MYRIP: variants seen among roughly 807,000 people sequenced by gnomAD.
MYRIP encodes the protein myosin VIIA and Rab interacting protein, also known as rab effector MyRIP.
In MYRIP, 49 loss-of-function variants were observed where a neutral mutation model predicts 98.0. That is an observed-to-expected ratio of 0.50 (90% confidence interval 0.40 to 0.63). The LOEUF (loss-of-function observed/expected upper bound fraction) is 0.63. Ranked by LOEUF, MYRIP falls within the 30% of genes least tolerant of loss-of-function variation. The pLI, the probability that MYRIP is intolerant of heterozygous loss-of-function variation, is 0.00. For missense variants in MYRIP, 1,004 were observed against 1,058.2 expected, an observed-to-expected ratio of 0.95 and a Z score of 0.71; for synonymous variants, 404 against 409.5, an observed-to-expected ratio of 0.99 and a Z score of 0.16.
At chr3:40,135,636 A>G (rs1559415456) in intron 3 of MYRIP, among the ~76,000 whole-genome samples, 1 of 152,232 alleles carries the variant, frequency 6.6e-6, no homozygotes, top group African/African-American at 2.4e-5. Flanking sequence ...CCAGAGAGAA[A>G]GGTCGGGTTA....
At position 40,251,873 on chromosome 3, in the gene MYRIP, C is replaced by A. The variant is rs1355180707; in HGVS notation, c.2429-8C>A. 1 of 1,577,378 alleles carries A rather than the reference C, an allele frequency of 6.3e-7. No individual in the cohort carries two copies. Among genetic ancestry groups the A allele is most frequent in the Non-Finnish European group, 8.7e-7 (1 of 1,146,778 alleles). ...GGGTAACATTTTTTCCCATTTATTT[C>A]CTTTTAGCTGAAAAAATTGAGACAT... On this transcript the variant is annotated splice_region_variant and splice_polypyrimidine_tract_variant and intron_variant, in intron 15 of 16. Transcript: ENST00000302541.
chr3:40,167,331 T>A, intron 7 of MYRIP, 92 bp downstream of exon 7: 1 of 1,135,332 alleles, frequency 8.8e-7, no homozygotes, highest in Non-Finnish European at 1.3e-6. Flanking sequence ...ATGGGGAGTG[T>A]CTCTAGCACT....
At chr3:40,036,705 A>G (rs890327674) in intron 2 of MYRIP, among the ~76,000 whole-genome samples, 2 of 152,102 alleles carry the variant, frequency 1.3e-5, no homozygotes, top group African/African-American at 4.8e-5. Context: ...TGATACTTAG[A>G]TGAAGGAAAT....
At chr3:40,185,255 T>C (rs576076867) in intron 9 of MYRIP, among the ~76,000 whole-genome samples, 3 of 152,334 alleles carry the variant, frequency 2.0e-5, no homozygotes, top group Admixed American at 2.0e-4. Context: ...GTAACTCCGC[T>C]TTCAGTCTTG....
chr3:39,889,985 A>G (rs1212858743), intron 1 of MYRIP, among the ~76,000 whole-genome samples: 1 of 152,154 alleles, frequency 6.6e-6, no homozygotes, highest in Admixed American at 6.6e-5. Flanking sequence ...TAAAAAATCT[A>G]AAATTTTTTT....
At position 40,036,676 on chromosome 3, in the gene MYRIP, C is replaced by G. The variant is rs931920934; in HGVS notation, c.111-7374C>G. Among the ~76,000 whole-genome samples, 9 of 152,038 alleles carry G rather than the reference C, an allele frequency of 5.9e-5. No homozygotes were observed. The East Asian group carries it at 7.7e-4, about 13-fold the overall frequency. The stretch of plus-strand genomic sequence containing the variant: ...AACACCCCATTTGCAACCAGATGCA[C>G]GAGATGCTGGAGAAGCATTGATACT... On this transcript the variant is annotated intron_variant, in intron 2 of 16. Transcript: ENST00000302541.
At chr3:39,995,288 A>C (rs531032117) in intron 2 of MYRIP, among the ~76,000 whole-genome samples, 31 of 152,216 alleles carry the variant, frequency 2.0e-4, no homozygotes, top group African/African-American at 6.7e-4. Context: ...AAAAACCTTG[A>C]AAAAAAATTA....
At chr3:40,223,206 A>C (rs1360725930) in intron 11 of MYRIP, among the ~76,000 whole-genome samples, 1 of 152,202 alleles carries the variant, frequency 6.6e-6, no homozygotes, top group Non-Finnish European at 1.5e-5. Flanking sequence ...TCTGAACCAG[A>C]CATCTTTTAA....
chr3:39,867,157 C>A (rs1453077224), intron 1 of MYRIP, among the ~76,000 whole-genome samples: 4 of 152,144 alleles, frequency 2.6e-5, no homozygotes, highest in Non-Finnish European at 5.9e-5. Flanking sequence ...TCCTCTCTTA[C>A]ACTACTTGGA....
intron 2 of MYRIP, among the ~76,000 whole-genome samples, chr3:40,042,409 C>T (rs1947558902): frequency 6.6e-6 from 1 of 151,540 alleles, no homozygotes. Context: ...GTCCAATGTC[C>T]ATGAAAGAAA....
chr3:39,955,330 C>T (rs903131258), intron 2 of MYRIP, among the ~76,000 whole-genome samples: 3 of 152,178 alleles, frequency 2.0e-5, no homozygotes, highest in Admixed American at 6.5e-5. Flanking sequence ...ATGGATCTCT[C>T]TGCAGAAACT....
intron 8 of MYRIP, among the ~76,000 whole-genome samples, chr3:40,178,178 G>A (rs73067652): frequency 0.015 from 2,308 of 152,274 alleles, 25 homozygotes; most frequent in Non-Finnish European, 0.021. Flanking sequence ...TGCGGTTGGT[G>A]CCACAGGGAG....
Position 40,044,246 on chromosome 3 carries a change from G to T in MYRIP, c.307G>T (p.Val103Phe). ...CSYQKHEKAWVCCVCQQARLL... is the reference protein window; with the variant it reads ...CSYQKHEKAWFCCVCQQARLL... ...CTACCAGAAGCACGAAAAGGCCTGG[G>T]TCTGCTGCGTCTGCCAGCAAGCGAG... Residue 103 changes from valine (V) to phenylalanine (F), a missense_variant, in exon 3 of 17, where the codon GTC (valine) becomes TTC (phenylalanine). Physicochemically the swap from Val to Phe is conservative, Grantham distance 50. This residue lies in a region of MYRIP where 880 missense variants were observed against 907.7 expected (regional missense o/e 0.97). Transcript: ENST00000302541. The T allele has an allele frequency of 6.2e-7, 1 of 1,614,184 alleles. No individual in the cohort carries two copies. The highest frequency in any genetic ancestry group is 8.5e-7 in the Non-Finnish European group (1 of 1,180,020).
At chr3:40,212,159 TATATATATACATATATATAC>T (rs1442521182) in intron 11 of MYRIP, among the ~76,000 whole-genome samples, 388 of 8,764 alleles carry the variant, frequency 0.044, 41 homozygotes, top group African/African-American at 0.1. Flanking sequence ...TATACGTGTA[TATATATATACATATATATAC>T]GTGTATGTGT....
intron 5 of MYRIP, among the ~76,000 whole-genome samples, chr3:40,166,325 T>A (rs1360021416): frequency 1.3e-5 from 2 of 152,204 alleles, no homozygotes; most frequent in Non-Finnish European, 2.9e-5. Context: ...AGCCCTTTTG[T>A]TCAGTCACCT....
intron 4 of MYRIP, among the ~76,000 whole-genome samples, chr3:40,154,120 T>C (rs1486805785): frequency 1.4e-5 from 2 of 147,842 alleles, no homozygotes; most frequent in Non-Finnish European, 1.5e-5. Flanking sequence ...AGCCTGGCAA[T>C]AGAGTGAGAT....
chr3:39,837,700 C>T (rs1457928590), intron 1 of MYRIP, among the ~76,000 whole-genome samples: 1 of 152,148 alleles, frequency 6.6e-6, no homozygotes, highest in East Asian at 1.9e-4. Context: ...GCTATACAGG[C>T]TCTTTTTTGG....
intron 3 of MYRIP, among the ~76,000 whole-genome samples, chr3:40,126,893 C>T (rs1949535956): frequency 2.0e-5 from 3 of 152,206 alleles, no homozygotes; most frequent in South Asian, 2.1e-4. Context: ...GAGCTGCCAT[C>T]GGCAGGTGAC....
chr3:40,219,484 C>A (rs1256457936), intron 11 of MYRIP, among the ~76,000 whole-genome samples: 1 of 152,098 alleles, frequency 6.6e-6, no homozygotes, highest in Non-Finnish European at 1.5e-5. Context: ...ATCCCTCCCC[C>A]ATCCCCCACC....
Sources: gnomAD v4.1 joint callset for allele counts (sites outside exome capture counted in the v4.1 genomes callset) on GRCh38, gnomAD v4.1.1 for gene constraint, gnomAD v4.1.1 regional missense constraint, MANE v1.5 for transcripts, NCBI Gene and HGNC (gene_info 2026-07-23, HGNC 2026-07-21) for gene names.